TRMT10B: variants seen among roughly 807,000 people sequenced by gnomAD.
TRMT10B encodes tRNA methyltransferase 10B.
In TRMT10B, 33 loss-of-function variants were observed where a neutral mutation model predicts 43.8. That is an observed-to-expected ratio of 0.75 (90% CI 0.57 to 1.01). The LOEUF is 1.01. Ranked by LOEUF, TRMT10B falls within the 50% of genes least tolerant of loss-of-function variation. TRMT10B has a pLI of 0.00. For synonymous variants in TRMT10B, 137 were observed against 130.6 expected, an observed-to-expected ratio of 1.05 and a Z score of -0.34; for missense variants, 362 against 369.8, an observed-to-expected ratio of 0.98 and a Z score of 0.17.
intron 1 of TRMT10B, among the ~76,000 whole-genome samples, chr9:37,760,770 A>G (rs1343943726): frequency 6.6e-6 from 1 of 152,224 alleles, no homozygotes; most frequent in Non-Finnish European, 1.5e-5. Context: ...ATCATACTAC[A>G]TAGACTTAAC....
chr9:37,761,907 G>C lies in TRMT10B; in HGVS notation c.-25G>C, dbSNP rs1382238635. The C allele has an allele frequency of 1.3e-6, 2 of 1,586,976 alleles. No homozygotes were observed. Among genetic ancestry groups the C allele is most frequent in the Non-Finnish European group, 1.7e-6 (2 of 1,161,608 alleles). On this transcript the variant is annotated 5_prime_UTR_variant, in exon 2 of 9. Transcript: ENST00000297994. ...CATAATTGTGCCTTTTTCCAGTCTG[G>C]TGGAAAGGACAGAGGACTAAGTCCA...
At position 37,762,557 on chromosome 9, in the gene TRMT10B, T is replaced by C. The variant is rs766316554; in HGVS notation, c.187-20T>C. On this transcript the variant is annotated intron_variant, in intron 2 of 8. Transcript: ENST00000297994. Reference sequence around the variant, plus strand: ...TGCTTATGAAGTTCTCAAACAATTTTGTTTTCTGGATAATATAAGAAAAAT... The same window carrying C: ...TGCTTATGAAGTTCTCAAACAATTTCGTTTTCTGGATAATATAAGAAAAAT... 2 of 1,563,192 alleles carry C rather than the reference T, an allele frequency of 1.3e-6. No homozygotes were observed. The highest frequency in any genetic ancestry group is 2.4e-5 in the South Asian group (2 of 81,886).
At chr9:37,756,763 T>C (rs542403615) in intron 1 of TRMT10B, among the ~76,000 whole-genome samples, 28 of 151,508 alleles carry the variant, frequency 1.8e-4, no homozygotes, top group East Asian at 1.2e-3. Context: ...CATATATATA[T>C]ACACATATAT....
At chr9:37,772,982 G>A (rs1827745569) in intron 7 of TRMT10B, among the ~76,000 whole-genome samples, 1 of 152,256 alleles carries the variant, frequency 6.6e-6, no homozygotes, top group Non-Finnish European at 1.5e-5. Flanking sequence ...TGAAATTACA[G>A]ATTTAAAAGT....
chr9:37,767,069 A>G (rs554525532), intron 4 of TRMT10B: 4 of 152,326 alleles, frequency 2.6e-5, no homozygotes, highest in Admixed American at 6.5e-5. Flanking sequence ...TTTAGGCCTT[A>G]CATCACAGTA....
rs57643861 is a variant in TRMT10B, at chr9:37,762,977, C to CAAAAA, written c.295+305_295+309dup. Among the ~76,000 whole-genome samples, 45 of 85,136 alleles carry CAAAAA rather than the reference C, an allele frequency of 5.3e-4. 1 individual carries two copies. Among genetic ancestry groups the CAAAAA allele is most frequent in the Admixed American group, 9.7e-4 (8 of 8,228 alleles). The allele number at this position is 85,136 out of a possible 152,430, so 55.9% of individuals were successfully genotyped here. The stretch of plus-strand genomic sequence containing the variant: ...TGAAACCCCATCTCTACTAAAAATA[C>CAAAAA]AAAAAAAAAAAAAAAAAGCCGGGTG... On this transcript the variant is annotated intron_variant, in intron 3 of 8. Transcript: ENST00000297994.
Position 37,757,284 on chromosome 9 carries a change from C to T in TRMT10B, c.-30+3432C>T, listed in dbSNP as rs190503124. Among the ~76,000 whole-genome samples the T allele has an allele frequency of 5.3e-5, 8 of 152,204 alleles. No individual in the cohort carries two copies. In the East Asian group the frequency reaches 9.7e-4, roughly 18 times the overall value. On this transcript the variant is annotated intron_variant, in intron 1 of 8. Transcript: ENST00000297994. The stretch of plus-strand genomic sequence containing the variant: ...GGAGGTGGGGTCTCACTTTGTTCCC[C>T]AGGCTGGTCTTGAACCCCCAGGCTC...
rs112827446 is a variant in TRMT10B, at chr9:37,762,460, C to T, written c.187-117C>T. ...TAGGTTTGTTTTTAAGAGTAATTTC[C>T]TCTTTCTCTCCAAACTATATATATA... On this transcript the variant is annotated intron_variant, in intron 2 of 8. Transcript: ENST00000297994. 8.3e-5 allele frequency: 117 copies of T among 1,407,944 alleles called. 5 individuals are homozygous for T. The African/African-American group carries it at 1.0e-3, about 12-fold the overall frequency. The allele number at this position is 1,407,944 out of a possible 1,614,324, so 87.2% of individuals were successfully genotyped here.
In TRMT10B at chr9:37,769,997, C is replaced by G; in HGVS notation, c.630C>G (p.Tyr210Ter). The change falls in exon 6 of 9, where the codon TAC (tyrosine) becomes TAG (stop). Residue 210 changes from tyrosine to a stop codon, truncating the protein, a stop_gained. Transcript: ENST00000297994. LOFTEE classifies it high-confidence loss of function. ...TATTTCCCTTGGAAACCCTTGTGTA[C>G]CTGACTCCTGACTCAGAACACGGTA... is the stretch of plus-strand genomic sequence containing the variant. ...FSLFPLETLV[Y>*]LTPDSEHALE... 1.2e-6 allele frequency: 2 copies of G among 1,613,826 alleles called. No homozygotes were observed. The highest frequency in any genetic ancestry group is 1.7e-6 in the Non-Finnish European group (2 of 1,179,706).
intron 1 of TRMT10B, among the ~76,000 whole-genome samples, chr9:37,756,281 A>ATC (rs1307007712): frequency 6.6e-6 from 1 of 152,188 alleles, no homozygotes; most frequent in East Asian, 1.9e-4. Context: ...AGATTAGTTT[A>ATC]TCTTAATGTT....
chr9:37,754,586 ATTC>A (rs1441628329), intron 1 of TRMT10B, among the ~76,000 whole-genome samples: 2 of 152,078 alleles, frequency 1.3e-5, no homozygotes, highest in Non-Finnish European at 2.9e-5. Flanking sequence ...GTACAGGTGA[ATTC>A]TTCCAATTCT....
In TRMT10B at chr9:37,776,306, G is replaced by A. The variant is rs1258852678; in HGVS notation, c.745G>A (p.Glu249Lys). The change falls in exon 8 of 9, where the codon GAA becomes AAA. Residue 249 changes from glutamate to lysine, a missense_variant. Physicochemically the swap from Glu to Lys is moderately conservative, Grantham distance 56. Transcript: ENST00000297994. ...GAAGGTGACATTTCAAAAGGCCCGG[G>A]AATACTCTGTCAAGACCGCACGCTT... ...QKKVTFQKAR[E>K]YSVKTARLPI... 1 of 1,590,058 alleles carries A rather than the reference G, an allele frequency of 6.3e-7. No individual in the cohort carries two copies. The highest frequency in any genetic ancestry group is 1.8e-5 in the Admixed American group (1 of 55,640).
intron 5 of TRMT10B, among the ~76,000 whole-genome samples, chr9:37,768,969 A>G (rs1827261418): frequency 6.6e-6 from 1 of 152,084 alleles, no homozygotes. Flanking sequence ...TGCCTTTCTT[A>G]GTCCCTCAGC....
In TRMT10B at chr9:37,778,870, T is replaced by TAACA. The variant is rs1301460826; in HGVS notation, c.*1164_*1167dup. The TAACA allele has an allele frequency of 6.6e-6, 1 of 152,222 alleles. No individual in the cohort carries two copies. The highest frequency in any genetic ancestry group is 1.5e-5 in the Non-Finnish European group (1 of 68,056). 9.4% of individuals were successfully genotyped at this position (152,222 alleles called of 1,614,324 possible). On this transcript the variant is annotated 3_prime_UTR_variant, in exon 9 of 9. Coordinates refer to ENST00000297994, the MANE Select transcript of TRMT10B (RefSeq NM_144964.4). ...CTAATCCTTCCTAATGGTAGGATCC[T>TAACA]AACAGGACAAATCTGTGTACCTATC...
At chr9:37,753,125 G>A (rs185835983), upstream of TRMT10B, among the ~76,000 whole-genome samples, 1 of 151,872 alleles carries the variant, frequency 6.6e-6, no homozygotes, top group African/African-American at 2.4e-5. Flanking sequence ...CACTCATTGC[G>A]AAGATCTGCA....
upstream of TRMT10B, chr9:37,753,699 C>CCT (rs1282550614): frequency 2.0e-5 from 3 of 152,424 alleles, no homozygotes; most frequent in Non-Finnish European, 4.4e-5. Context: ...GAAGCCGCAG[C>CCT]CTCCGCTCCG....
chr9:37,754,064 A>C (rs532157539), intron 1 of TRMT10B, among the ~76,000 whole-genome samples: 1 of 152,346 alleles, frequency 6.6e-6, no homozygotes, highest in East Asian at 1.9e-4. Flanking sequence ...GGGTGCTCTC[A>C]GGCTGAATTC....
At chr9:37,763,173 A>C (rs12349658) in intron 3 of TRMT10B, among the ~76,000 whole-genome samples, 64,748 of 135,554 alleles carry the variant, frequency 0.48, 15,809 homozygotes, top group Non-Finnish European at 0.53. Context: ...AAACAAAAAA[A>C]AAAATTTAAG....
chr9:37,772,280 T>TG, intron 7 of TRMT10B, among the ~76,000 whole-genome samples: 1 of 152,304 alleles, frequency 6.6e-6, no homozygotes, highest in Non-Finnish European at 1.5e-5. Context: ...CCCAAAGTGC[T>TG]GGGATTACAG....
Sources: allele counts gnomAD v4.1 joint callset (sites outside exome capture counted in the v4.1 genomes callset), GRCh38; gene constraint gnomAD v4.1.1; transcripts MANE v1.5; gene names NCBI Gene and HGNC (gene_info 2026-07-23, HGNC 2026-07-21).